The following MAP1B variants were observed in gnomAD, a reference collection of about 807,000 sequenced individuals.
MAP1B encodes microtubule-associated protein 1B.
MAP1B carries 12 observed loss-of-function variants against 176.1 expected under a neutral mutation model. That is an observed-to-expected ratio of 0.07 (90% CI 0.04 to 0.11). The LOEUF is 0.11. Ranked by LOEUF, MAP1B falls within the 10% of genes least tolerant of loss-of-function variation. The probability of loss-of-function intolerance (pLI) is 1.00; values close to 1 mark genes in which losing one functional copy is unlikely to be tolerated. For synonymous variants in MAP1B, 1,044 were observed against 1,135.0 expected, an observed-to-expected ratio of 0.92 and a Z score of 1.61; for missense variants, 2,523 against 2,990.5, an observed-to-expected ratio of 0.84 and a Z score of 3.65.
At position 72,186,781 on chromosome 5, in the gene MAP1B, G is replaced by GCTT. The variant is rs1329449231; in HGVS notation, c.510+30_510+32dup. The GCTT allele has an allele frequency of 6.2e-7, 1 of 1,612,222 alleles. No homozygotes were observed. The highest frequency in any genetic ancestry group is 1.3e-5 in the African/African-American group (1 of 75,046). ...TAGGTTCGTGTCTGAGAATATCTGT[G>GCTT]CTTCTAGTGGCTTGGTTGCCTTAGG... On this transcript the variant is annotated intron_variant, in intron 4 of 6. Coordinates refer to ENST00000296755, the MANE Select transcript of MAP1B (RefSeq NM_005909.5). This position sits in a 1 kb window ranked among gnomAD's most constrained non-coding sequence, Gnocchi z 4.3.
intron 2 of MAP1B, among the ~76,000 whole-genome samples, chr5:72,142,560 C>T (rs1745965554): frequency 6.6e-6 from 1 of 151,900 alleles, no homozygotes; most frequent in South Asian, 2.1e-4. Flanking sequence ...CTTAAAAAGA[C>T]AATTTAAAAT....
chr5:72,173,120 T>C (rs866206304), intron 2 of MAP1B, among the ~76,000 whole-genome samples: 2 of 152,344 alleles, frequency 1.3e-5, no homozygotes, highest in South Asian at 2.1e-4. Context: ...GGCTTCCTCA[T>C]AGCATTAATG....
chr5:72,198,027 G>A lies in MAP1B; in HGVS notation c.4672G>A (p.Ala1558Thr). The change falls in exon 5 of 7, where the codon GCT becomes ACT. Residue 1558 changes from alanine (A) to threonine (T), a missense_variant. Physicochemically the swap from Ala to Thr is moderately conservative, Grantham distance 58. This residue lies in a region of MAP1B where 1,925 missense variants were observed against 2,126.0 expected (regional missense o/e 0.91). Coordinates refer to ENST00000296755, the MANE Select transcript of MAP1B (RefSeq NM_005909.5). ...GVASVSTASV[A>T]TSSFPEPTTD... is the part of the protein sequence containing the mutation. ...GGCCTCAGTGTCCACAGCCTCAGTG[G>A]CTACGAGCTCATTTCCAGAGCCAAC... The A allele has an allele frequency of 6.2e-7, 1 of 1,614,172 alleles. No homozygotes were observed. The highest frequency in any genetic ancestry group is 8.5e-7 in the Non-Finnish European group (1 of 1,180,022).
chr5:72,167,163 G>A (rs1746448873), intron 2 of MAP1B, among the ~76,000 whole-genome samples: 1 of 152,104 alleles, frequency 6.6e-6, no homozygotes, highest in Admixed American at 6.5e-5. Context: ...TCATGGTTTA[G>A]CGTTCTGCTA....
At chr5:72,161,376 G>A (rs1024434648) in intron 2 of MAP1B, among the ~76,000 whole-genome samples, 1 of 152,224 alleles carries the variant, frequency 6.6e-6, no homozygotes, top group Non-Finnish European at 1.5e-5. Context: ...TCAATACATG[G>A]TGGCTATTGT....
chr5:72,198,031 C>A lies in MAP1B; in HGVS notation c.4676C>A (p.Thr1559Lys), dbSNP rs753787101. 6.2e-7 allele frequency: 1 copy of A among 1,614,184 alleles called. No homozygotes were observed. Among genetic ancestry groups the A allele is most frequent in the Non-Finnish European group, 8.5e-7 (1 of 1,180,026 alleles). The change falls in exon 5 of 7, where the codon ACG becomes AAG. Residue 1559 changes from threonine to lysine, a missense_variant. Around this residue, in one of 4 missense-constraint regions of MAP1B, gnomAD observed 1,925 missense variants for 2,126.0 expected, o/e 0.91. Transcript: ENST00000296755. ...VASVSTASVA[T>K]SSFPEPTTDD... Reference sequence around the variant, plus strand: ...TCAGTGTCCACAGCCTCAGTGGCTACGAGCTCATTTCCAGAGCCAACAACA... The same window carrying A: ...TCAGTGTCCACAGCCTCAGTGGCTAAGAGCTCATTTCCAGAGCCAACAACA...
chr5:72,134,577 A>AT (rs540321892), intron 2 of MAP1B, among the ~76,000 whole-genome samples: 98 of 148,098 alleles, frequency 6.6e-4, no homozygotes, highest in East Asian at 2.2e-3. Flanking sequence ...ACATAGGAGA[A>AT]TTTTTTTTTT....
At chr5:72,154,300 C>T (rs761202605) in intron 2 of MAP1B, among the ~76,000 whole-genome samples, 1 of 152,198 alleles carries the variant, frequency 6.6e-6, no homozygotes, top group Admixed American at 6.5e-5. Flanking sequence ...TAATGCCACA[C>T]AGACTGAGTG....
chr5:72,109,248 G>GAA lies in MAP1B; in HGVS notation c.184+1540_184+1541dup, dbSNP rs201728861. ...TCCCTTTTAGCTTAAAAAAAAAAAAGAAAAAAAATGTGAGCAGAAAGTCAT... is the reference window on the plus strand; with the variant it reads ...TCCCTTTTAGCTTAAAAAAAAAAAAGAAAAAAAAAATGTGAGCAGAAAGTCAT... On this transcript the variant is annotated intron_variant, in intron 1 of 6. Coordinates refer to ENST00000296755, the MANE Select transcript of MAP1B (RefSeq NM_005909.5). Among the ~76,000 whole-genome samples, 134 of 147,260 alleles carry GAA rather than the reference G, an allele frequency of 9.1e-4. 1 individual carries two copies. Among genetic ancestry groups the GAA allele is most frequent in the African/African-American group, 3.1e-3 (125 of 40,362 alleles).
intron 2 of MAP1B, among the ~76,000 whole-genome samples, chr5:72,181,302 C>T (rs1017300450): frequency 1.3e-5 from 2 of 151,814 alleles, no homozygotes; most frequent in Non-Finnish European, 2.9e-5. Flanking sequence ...TACTTCTGGT[C>T]CTTCCTGATA....
Position 72,203,517 on chromosome 5 carries a change from C to G in MAP1B, c.7013-46C>G, listed in dbSNP as rs368596112. ...GGAACATGTGCTGGATGTATGGTCT[C>G]TTCACCTTGCTATGACCTTGCTTTG... On this transcript the variant is annotated intron_variant, in intron 5 of 6. Coordinates refer to ENST00000296755, the MANE Select transcript of MAP1B (RefSeq NM_005909.5). 5 of 1,401,932 alleles carry G rather than the reference C, an allele frequency of 3.6e-6. No individual in the cohort carries two copies. In the African/African-American group the frequency reaches 4.2e-5, roughly 12 times the overall value. The allele number at this position is 1,401,932 out of a possible 1,614,324, so 86.8% of individuals were successfully genotyped here. A position where few individuals can be genotyped will look rare whatever the true frequency, so the allele number is the denominator to read the frequency against.
intron 2 of MAP1B, among the ~76,000 whole-genome samples, chr5:72,149,407 G>A (rs528126032): frequency 5.2e-4 from 79 of 152,240 alleles, no homozygotes; most frequent in Middle Eastern, 3.4e-3. Flanking sequence ...GCAAAATCTC[G>A]TTTTTCTTTT....
At chr5:72,174,196 G>A (rs1044371169) in intron 2 of MAP1B, among the ~76,000 whole-genome samples, 1 of 152,156 alleles carries the variant, frequency 6.6e-6, no homozygotes, top group African/African-American at 2.4e-5. Context: ...CTCTGATGCT[G>A]GACAAGACAG....
Position 72,197,863 on chromosome 5 carries a change from C to T in MAP1B, c.4508C>T (p.Thr1503Ile), listed in dbSNP as rs1747222670. Reference protein sequence around the residue: ...DERKLGDVSPTQIDVSQFGSF... With the variant: ...DERKLGDVSPIQIDVSQFGSF... ...AGGAAATTAGGAGATGTTTCTCCCA[C>T]ACAAATAGATGTCAGTCAGTTTGGA... Residue 1503 changes from threonine (T) to isoleucine (I), a missense_variant, in exon 5 of 7, where the codon ACA (threonine) becomes ATA (isoleucine). By Grantham distance (89) the Thr-to-Ile change is moderately conservative. Transcript: ENST00000296755. 6.2e-7 allele frequency: 1 copy of T among 1,614,226 alleles called. No individual in the cohort carries two copies. The highest frequency in any genetic ancestry group is 8.5e-7 in the Non-Finnish European group (1 of 1,180,034).
chr5:72,152,238 G>GT (rs1208435494), intron 2 of MAP1B, among the ~76,000 whole-genome samples: 2 of 152,004 alleles, frequency 1.3e-5, no homozygotes, highest in East Asian at 3.8e-4. Context: ...AAAAGTAGAT[G>GT]TTTTTTTCCT....
chr5:72,150,272 T>C (rs1187656787), intron 2 of MAP1B, among the ~76,000 whole-genome samples: 2 of 152,236 alleles, frequency 1.3e-5, no homozygotes, highest in East Asian at 3.8e-4. Context: ...TTTATACCGT[T>C]ATTACTCAGA....
At chr5:72,185,677 G>T (rs1746882355) in intron 3 of MAP1B, among the ~76,000 whole-genome samples, 1 of 151,906 alleles carries the variant, frequency 6.6e-6, no homozygotes, top group Non-Finnish European at 1.5e-5. Context: ...TTGTGAGAAA[G>T]GAAAAATATG....
intron 2 of MAP1B, among the ~76,000 whole-genome samples, chr5:72,180,621 A>G (rs534200563): frequency 6.6e-6 from 1 of 152,322 alleles, no homozygotes; most frequent in Admixed American, 6.5e-5. Flanking sequence ...CCTGTGGTTT[A>G]TTCTTCTTAA....
In MAP1B at chr5:72,194,537, A is replaced by C; in HGVS notation, c.1182A>C (p.Lys394Asn). ...TLQYLNKLSM[K>N]PEPLFRSVGN... ...AGTACCTAAACAAATTGTCCATGAA[A>C]CCAGAACCTCTGTTTAGAAGTGTAG... is the stretch of plus-strand genomic sequence containing the variant. The change falls in exon 5 of 7, where the codon AAA becomes AAC. Residue 394 changes from lysine (K) to asparagine (N), a missense_variant. By Grantham distance (94) the Lys-to-Asn change is moderately conservative (BLOSUM62 0). Transcript: ENST00000296755. This position sits in a 1 kb window ranked among gnomAD's most constrained non-coding sequence, Gnocchi z 7.2. 1 of 1,614,118 alleles carries C rather than the reference A, an allele frequency of 6.2e-7. No individual in the cohort carries two copies.
Sources: gnomAD v4.1 joint callset for allele counts (sites outside exome capture counted in the v4.1 genomes callset) on GRCh38, gnomAD v4.1.1 for gene constraint, gnomAD v4.1.1 regional missense constraint, Gnocchi (gnomAD v3.1) non-coding constraint, MANE v1.5 for transcripts, NCBI Gene and HGNC (gene_info 2026-07-23, HGNC 2026-07-21) for gene names.